Variants in WDR1 observed in about 807,000 individuals in gnomAD.
WDR1 encodes the protein WD repeat domain 1, also known as WD repeat-containing protein 1.
Under a neutral mutation model 71.9 loss-of-function variants are expected in WDR1, and 21 were observed. The ratio of observed to expected loss-of-function variants is 0.29; its 90% CI spans 0.21 to 0.42. WDR1 has a LOEUF of 0.42. WDR1 is among the 10% of genes least tolerant of loss of function. The pLI is 1.00. For missense variants in WDR1, 696 were observed against 824.5 expected (o/e 0.84, Z 1.91); for synonymous variants, 424 against 347.4 (o/e 1.22, Z -2.45).
chr4:10,093,357 G>C (rs530480867), intron 5 of WDR1, among the ~76,000 whole-genome samples: 12 of 152,208 alleles, frequency 7.9e-5, no homozygotes, highest in Non-Finnish European at 1.3e-4. Context: ...GGGCCTCCAC[G>C]ACCCTTGGTC....
rs533387645 is a variant in WDR1 at position 10,116,093 on chromosome 4, C to A, written c.138+20G>T. On this transcript the variant is annotated intron_variant, in intron 2 of 14. Transcript: ENST00000499869. ...AGGTGGCTCCGGAGCAGAACCGCGCCCGGGGTAGGGGGTACTCACGTCGAT... is the reference window on the plus strand; with the variant it reads ...AGGTGGCTCCGGAGCAGAACCGCGCACGGGGTAGGGGGTACTCACGTCGAT... 58 of 1,607,020 alleles carry A rather than the reference C, an allele frequency of 3.6e-5. No homozygotes were observed. In the South Asian group the frequency reaches 6.4e-4, roughly 18 times the overall value.
chr4:10,110,210 A>T (rs568847204), intron 2 of WDR1, among the ~76,000 whole-genome samples: 15 of 152,318 alleles, frequency 9.8e-5, no homozygotes, highest in Non-Finnish European at 1.3e-4. Context: ...GAGCAGGCAC[A>T]TCGCCAGGGC....
At chr4:10,085,805 C>G (rs1765186987) in intron 8 of WDR1, among the ~76,000 whole-genome samples, 2 of 152,056 alleles carry the variant, frequency 1.3e-5, no homozygotes, top group South Asian at 2.1e-4. Context: ...ATACCTGCTG[C>G]TCCATCCCAC....
chr4:10,103,572 A>G (rs1373440084), intron 3 of WDR1, among the ~76,000 whole-genome samples: 2 of 152,114 alleles, frequency 1.3e-5, no homozygotes, highest in South Asian at 4.1e-4. Flanking sequence ...TCGATAGCTG[A>G]TGAGCTTGAA....
intron 3 of WDR1, among the ~76,000 whole-genome samples, chr4:10,101,868 A>T (rs1292433742): frequency 2.0e-5 from 3 of 152,268 alleles, no homozygotes. Flanking sequence ...CATTCGGGCC[A>T]AATCTTGGGG....
At chr4:10,089,618 G>A (rs1304245595) in intron 5 of WDR1, among the ~76,000 whole-genome samples, 2 of 152,326 alleles carry the variant, frequency 1.3e-5, no homozygotes, top group Non-Finnish European at 2.9e-5. Flanking sequence ...CTGCCCTCTT[G>A]CTGCCCACCT....
intron 8 of WDR1, among the ~76,000 whole-genome samples, chr4:10,085,644 T>C (rs1053807792): frequency 1.3e-5 from 2 of 152,234 alleles, no homozygotes; most frequent in East Asian, 1.9e-4. Flanking sequence ...GAAACACTCC[T>C]AGCCATGCCC....
chr4:10,092,839 C>T (rs1712086679), intron 5 of WDR1: 1 of 368,634 alleles, frequency 2.7e-6, no homozygotes, highest in Non-Finnish European at 5.5e-6. Flanking sequence ...CCCTCACCGG[C>T]CCCCTGCCTC....
intron 2 of WDR1, among the ~76,000 whole-genome samples, chr4:10,111,850 G>A (rs867446923): frequency 1.4e-5 from 2 of 146,210 alleles, no homozygotes; most frequent in Non-Finnish European, 1.5e-5. Context: ...CACTGATACT[G>A]CGCCTGGGTT....
chr4:10,081,669 G>GT (rs1224523581), intron 10 of WDR1, among the ~76,000 whole-genome samples: 1 of 135,436 alleles, frequency 7.4e-6, no homozygotes, highest in East Asian at 2.6e-4. Context: ...GGGGTGGGGG[G>GT]GGGGGAAGGA....
At chr4:10,093,038 C>T (rs757620510) in intron 5 of WDR1, 1 of 1,288,478 alleles carries the variant, frequency 7.8e-7, no homozygotes, top group East Asian at 5.5e-5. Flanking sequence ...TATGCTCCCT[C>T]TCACCACCGA....
At chr4:10,116,580 C>T in intron 1 of WDR1, 71 bp downstream of exon 1, 1 of 1,109,506 alleles carries the variant, frequency 9.0e-7, no homozygotes, top group Non-Finnish European at 1.1e-6. Context: ...ACCCGCACGG[C>T]GCCTAGGGGC....
chr4:10,116,005 A>T (rs1327909308), intron 2 of WDR1, 108 bp downstream of exon 2: 2 of 1,451,194 alleles, frequency 1.4e-6, no homozygotes, highest in African/African-American at 2.8e-5. Flanking sequence ...TGGCGCCCTC[A>T]CCCTCCCCGG....
At chr4:10,079,651 C>G (rs1447927826) in intron 11 of WDR1, among the ~76,000 whole-genome samples, 9 of 152,216 alleles carry the variant, frequency 5.9e-5, no homozygotes, top group Admixed American at 5.9e-4. Flanking sequence ...CAGACAGTGG[C>G]CTTCATCTCT....
At chr4:10,103,788 CACCTCCCTCCT>C in intron 3 of WDR1, 97 bp downstream of exon 3, 2 of 319,666 alleles carry the variant, frequency 6.3e-6, no homozygotes, top group South Asian at 3.9e-5. Flanking sequence ...CCCCACCCCC[CACCTCCCTCCT>C]CCCACTCTCC....
intron 12 of WDR1, 96 bp from the exon 13 acceptor site, chr4:10,078,022 C>A (rs114196930): frequency 3.6e-6 from 5 of 1,389,160 alleles, no homozygotes; most frequent in South Asian, 1.5e-5. Flanking sequence ...GAAACTGTGC[C>A]GTTCCCACTG....
At position 10,101,882 on chromosome 4, in the gene WDR1, T is replaced by C. The variant is rs188875315; in HGVS notation, c.229+2014A>G. On this transcript the variant is annotated intron_variant, in intron 3 of 14. Coordinates refer to ENST00000499869, the MANE Select transcript of WDR1 (RefSeq NM_017491.5). ...ACATTCGGGCCAAATCTTGGGGCTT[T>C]AAATGAAGAGACTTTTGCTGGCAAG... is the stretch of plus-strand genomic sequence containing the variant. 4.2e-4 allele frequency among the ~76,000 whole-genome samples: 64 copies of C among 152,354 alleles called. 1 individual carries two copies. The East Asian group carries it at 7.1e-3, about 17-fold the overall frequency.
intron 2 of WDR1, among the ~76,000 whole-genome samples, chr4:10,115,352 C>G (rs1447102663): frequency 6.6e-6 from 1 of 152,216 alleles, no homozygotes; most frequent in Admixed American, 6.5e-5. Context: ...GGAGCTGGCT[C>G]TAGAAGCCTT....
At chr4:10,111,627 C>G (rs2108805727) in intron 2 of WDR1, among the ~76,000 whole-genome samples, 1 of 152,318 alleles carries the variant, frequency 6.6e-6, no homozygotes, top group South Asian at 2.1e-4. Flanking sequence ...CATCTGGATA[C>G]ACGCAGGTAG....
Sources: gnomAD v4.1 joint callset for allele counts (sites outside exome capture counted in the v4.1 genomes callset) on GRCh38, gnomAD v4.1.1 for gene constraint, MANE v1.5 for transcripts, NCBI Gene and HGNC (gene_info 2026-07-23, HGNC 2026-07-21) for gene names.